Variants in ANGPT1 observed in about 807,000 individuals in gnomAD.
The protein encoded by ANGPT1 is angiopoietin-1.
In ANGPT1, 17 loss-of-function variants were observed where a neutral mutation model predicts 62.2. The ratio of observed to expected loss-of-function variants is 0.27; its 90% CI spans 0.19 to 0.41. The LOEUF (loss-of-function observed/expected upper bound fraction) is 0.41, where lower values mean the gene tolerates loss of function less well. Among genes scored for constraint, ANGPT1 ranks in the 10% least tolerant of loss-of-function variants. The pLI, the probability that ANGPT1 is intolerant of heterozygous loss-of-function variation, is 1.00. For missense variants in ANGPT1, 478 were observed against 594.9 expected (o/e 0.80, Z 2.04); for synonymous variants, 199 against 198.9 (o/e 1.00, Z 0.00).
intron 6 of ANGPT1, among the ~76,000 whole-genome samples, chr8:107,287,147 G>C (rs547198622): frequency 6.6e-6 from 1 of 152,118 alleles, no homozygotes; most frequent in African/African-American, 2.4e-5. Flanking sequence ...TGTGAATAAA[G>C]AGGCTGGGAA....
chr8:107,319,259 C>T (rs919069099), intron 4 of ANGPT1, among the ~76,000 whole-genome samples: 4 of 152,066 alleles, frequency 2.6e-5, no homozygotes, highest in Non-Finnish European at 4.4e-5. Flanking sequence ...AAACTGGTTG[C>T]CAATGACAGG....
intron 1 of ANGPT1, among the ~76,000 whole-genome samples, chr8:107,396,306 A>G (rs1331249103): frequency 6.6e-6 from 1 of 152,124 alleles, no homozygotes; most frequent in East Asian, 1.9e-4. Context: ...TCATCTGTGC[A>G]TTTTGGCCCT....
intron 7 of ANGPT1, among the ~76,000 whole-genome samples, chr8:107,265,560 C>T (rs1356665429): frequency 6.6e-6 from 1 of 152,088 alleles, no homozygotes; most frequent in African/African-American, 2.4e-5. Flanking sequence ...AGACTCTAGC[C>T]CCTCTCTCTC....
chr8:107,293,732 G>A lies in ANGPT1; in HGVS notation c.1038+204C>T, dbSNP rs56134158. ...GTTCACCAAATAATTTCAGTAATAC[G>A]TTTTTCTTTCTGACGCACACGTGGA... On this transcript the variant is annotated intron_variant, in intron 6 of 8. Coordinates refer to ENST00000517746, the MANE Select transcript of ANGPT1 (RefSeq NM_001146.5). Among the ~76,000 whole-genome samples, 21,432 of 152,066 alleles carry A rather than the reference G, an allele frequency of 0.14. 1,893 individuals are homozygous for A. The highest frequency in any genetic ancestry group is 0.19 in the Non-Finnish European group (12,742 of 67,988).
At chr8:107,410,260 C>T (rs1007729869) in intron 1 of ANGPT1, among the ~76,000 whole-genome samples, 1 of 152,202 alleles carries the variant, frequency 6.6e-6, no homozygotes, top group Non-Finnish European at 1.5e-5. Context: ...TGCCAAGAAA[C>T]CTTTTAACGC....
chr8:107,426,515 G>A (rs1461328275), intron 1 of ANGPT1, among the ~76,000 whole-genome samples: 1 of 152,214 alleles, frequency 6.6e-6, no homozygotes, highest in African/African-American at 2.4e-5. Context: ...GTGGCAAATT[G>A]AAGAACCTCT....
intron 5 of ANGPT1, 27 bp downstream of exon 5, chr8:107,303,213 C>A: frequency 6.2e-7 from 1 of 1,605,592 alleles, no homozygotes; most frequent in Non-Finnish European, 8.5e-7. Context: ...TGGCTTACAT[C>A]TTGTAAACAA....
At chr8:107,450,675 G>T (rs913650682) in intron 1 of ANGPT1, among the ~76,000 whole-genome samples, 2 of 150,350 alleles carry the variant, frequency 1.3e-5, no homozygotes, top group Admixed American at 1.3e-4. Context: ...TATTTTCAAG[G>T]GTATTGCCAA....
At chr8:107,301,053 T>A (rs1045885476) in intron 5 of ANGPT1, among the ~76,000 whole-genome samples, 23 of 151,858 alleles carry the variant, frequency 1.5e-4, no homozygotes, top group African/African-American at 5.5e-4. Flanking sequence ...CAAACTAGAG[T>A]GTAGTTGTGG....
intron 1 of ANGPT1, among the ~76,000 whole-genome samples, chr8:107,376,772 A>G (rs1816539020): frequency 6.6e-6 from 1 of 152,194 alleles, no homozygotes; most frequent in Non-Finnish European, 1.5e-5. Context: ...GGTTCTCACT[A>G]AATTCCAAAA....
intron 1 of ANGPT1, among the ~76,000 whole-genome samples, chr8:107,494,047 T>C (rs1813032202): frequency 1.5e-5 from 2 of 137,642 alleles, no homozygotes. Context: ...CAATTTTAGC[T>C]AGTGTAAAAT....
chr8:107,300,225 A>G (rs1057421044), intron 5 of ANGPT1, among the ~76,000 whole-genome samples: 1 of 150,424 alleles, frequency 6.6e-6, no homozygotes, highest in African/African-American at 2.4e-5. Flanking sequence ...TAAATGCTCA[A>G]TACATTTGAG....
At chr8:107,367,591 G>A (rs1253077995) in intron 1 of ANGPT1, among the ~76,000 whole-genome samples, 2 of 152,176 alleles carry the variant, frequency 1.3e-5, no homozygotes, top group Non-Finnish European at 2.9e-5. Context: ...TCTGGGGAAA[G>A]TTATACTGTT....
At chr8:107,261,479 T>C (rs12541749) in intron 8 of ANGPT1, among the ~76,000 whole-genome samples, 35,243 of 150,272 alleles carry the variant, frequency 0.23, 4,345 homozygotes, top group East Asian at 0.32. Context: ...GCCGAGGCGG[T>C]CGGATCATGA....
intron 8 of ANGPT1, among the ~76,000 whole-genome samples, chr8:107,262,090 G>A (rs1813506268): frequency 6.6e-6 from 1 of 152,080 alleles, no homozygotes; most frequent in South Asian, 2.1e-4. Context: ...AGCTACTCAG[G>A]AGGCTGAGGC....
chr8:107,361,866 C>G (rs1276038747), intron 1 of ANGPT1, among the ~76,000 whole-genome samples: 1 of 151,982 alleles, frequency 6.6e-6, no homozygotes, highest in East Asian at 1.9e-4. Flanking sequence ...CAAGACCAGC[C>G]TGGCCAACAT....
intron 1 of ANGPT1, among the ~76,000 whole-genome samples, chr8:107,455,632 T>C (rs996364979): frequency 7.2e-5 from 11 of 152,086 alleles, no homozygotes; most frequent in African/African-American, 2.2e-4. Flanking sequence ...AGGGAGACTT[T>C]ATTAACAAAA....
chr8:107,373,547 C>T (rs901893681), intron 1 of ANGPT1, among the ~76,000 whole-genome samples: 23 of 152,214 alleles, frequency 1.5e-4, no homozygotes, highest in African/African-American at 5.5e-4. Context: ...TGATGTAGTC[C>T]ATGAGGGATC....
intron 1 of ANGPT1, among the ~76,000 whole-genome samples, chr8:107,391,071 TACTATTGCAATGAAAA>T (rs1816825760): frequency 2.0e-5 from 3 of 152,352 alleles, no homozygotes; most frequent in Non-Finnish European, 2.9e-5. Flanking sequence ...AGTTACTAGG[TACTATTGCAATGAAAA>T]AAGTTTTAAT....
Sources: gnomAD v4.1 joint callset for allele counts (sites outside exome capture counted in the v4.1 genomes callset) on GRCh38, gnomAD v4.1.1 for gene constraint, MANE v1.5 for transcripts, NCBI Gene and HGNC (gene_info 2026-07-23, HGNC 2026-07-21) for gene names.